MGAT5: variants seen among roughly 807,000 people sequenced by gnomAD.
MGAT5 encodes the protein alpha-1,6-mannosylglycoprotein 6-beta-N-acetylglucosaminyltransferase A.
In MGAT5, 30 loss-of-function variants were observed where a neutral mutation model predicts 94.3. The observed-to-expected ratio is 0.32, with a 90% CI of 0.24 to 0.43. The LOEUF is 0.43. Ranked by LOEUF, MGAT5 falls within the 20% of genes least tolerant of loss-of-function variation. The probability of loss-of-function intolerance (pLI) is 1.00; values close to 1 mark genes in which losing one functional copy is unlikely to be tolerated. For synonymous variants in MGAT5, 310 were observed against 322.9 expected, an observed-to-expected ratio of 0.96 and a Z score of 0.43; for missense variants, 691 against 905.5, an observed-to-expected ratio of 0.76 and a Z score of 3.04.
chr2:134,192,142 C>T (rs1025403097), intron 1 of MGAT5, among the ~76,000 whole-genome samples: 7 of 151,528 alleles, frequency 4.6e-5, no homozygotes, highest in Middle Eastern at 3.5e-3. Context: ...AGGGTGGGTT[C>T]GCGCCCTCCT....
chr2:134,130,204 C>CCCACCCCACA (rs1553482760), intron 1 of MGAT5, among the ~76,000 whole-genome samples: 80 of 60,394 alleles, frequency 1.3e-3, no homozygotes, highest in Non-Finnish European at 2.1e-3. Flanking sequence ...TGGAGCCCGC[C>CCCACCCCACA]CCGCCCCACA....
chr2:134,349,276 T>C (rs1253575136), intron 8 of MGAT5, among the ~76,000 whole-genome samples: 4 of 152,094 alleles, frequency 2.6e-5, no homozygotes, highest in Admixed American at 6.6e-5. Context: ...ATCAGATATA[T>C]AAAAAAATAC....
intron 1 of MGAT5, among the ~76,000 whole-genome samples, chr2:134,199,366 G>A (rs1396356241): frequency 6.6e-6 from 1 of 152,136 alleles, no homozygotes; most frequent in Non-Finnish European, 1.5e-5. Flanking sequence ...AGTCCTGGCA[G>A]AGGGTGCAAG....
intron 1 of MGAT5, among the ~76,000 whole-genome samples, chr2:134,125,208 A>G (rs1400600831): frequency 6.6e-6 from 1 of 152,192 alleles, no homozygotes; most frequent in Non-Finnish European, 1.5e-5. Context: ...TACTACAGGT[A>G]TTTCACTCAA....
chr2:134,427,995 GA>G (rs1011926005), intron 13 of MGAT5, among the ~76,000 whole-genome samples: 1 of 152,198 alleles, frequency 6.6e-6, no homozygotes, highest in Non-Finnish European at 1.5e-5. Context: ...CAACAGCATG[GA>G]CTCTGCCCTG....
intron 11 of MGAT5, among the ~76,000 whole-genome samples, chr2:134,404,628 T>G (rs188128900): frequency 8.5e-5 from 13 of 152,314 alleles, no homozygotes; most frequent in African/African-American, 2.4e-4. Context: ...AGAATGTATA[T>G]CTCCTCTTTG....
chr2:134,350,557 T>C (rs1156552677), intron 9 of MGAT5, among the ~76,000 whole-genome samples: 2 of 152,194 alleles, frequency 1.3e-5, no homozygotes, highest in Non-Finnish European at 2.9e-5. Flanking sequence ...GATGATGAAT[T>C]AACTGACCAC....
intron 2 of MGAT5, among the ~76,000 whole-genome samples, chr2:134,314,504 A>G (rs7563818): frequency 0.8 from 121,977 of 151,990 alleles, 49,257 homozygotes; most frequent in East Asian, 0.93. Flanking sequence ...GCAGGAAGAC[A>G]TAACCTTCCT....
upstream of MGAT5, among the ~76,000 whole-genome samples, chr2:134,249,590 TA>T (rs1226459732): frequency 6.6e-6 from 1 of 152,256 alleles, no homozygotes; most frequent in Non-Finnish European, 1.5e-5. Flanking sequence ...CATTCCTTTT[TA>T]TAGCCAGATA....
chr2:134,176,019 CTGTT>C (rs1233604385), intron 1 of MGAT5, among the ~76,000 whole-genome samples: 1 of 152,160 alleles, frequency 6.6e-6, no homozygotes, highest in Admixed American at 6.5e-5. Context: ...ATCCATTTAA[CTGTT>C]TGTTTTGGCC....
chr2:134,168,299 T>A (rs1688048051), intron 1 of MGAT5, among the ~76,000 whole-genome samples: 1 of 152,176 alleles, frequency 6.6e-6, no homozygotes, highest in African/African-American at 2.4e-5. Context: ...ATCACTTGGT[T>A]GCTGTCACAC....
chr2:134,414,161 T>G (rs199574089), intron 12 of MGAT5, among the ~76,000 whole-genome samples: 6 of 94,536 alleles, frequency 6.3e-5, no homozygotes, highest in African/African-American at 1.7e-4. Flanking sequence ...GTGTGTGTGG[T>G]TTTTTTTTTT....
chr2:134,306,971 G>C (rs1449294995), intron 2 of MGAT5, among the ~76,000 whole-genome samples: 3 of 152,144 alleles, frequency 2.0e-5, no homozygotes, highest in Non-Finnish European at 2.9e-5. Flanking sequence ...AGTTCCAGGA[G>C]CAGGCCTCTT....
chr2:134,142,632 T>G (rs1686711063), intron 1 of MGAT5, among the ~76,000 whole-genome samples: 3 of 152,262 alleles, frequency 2.0e-5, no homozygotes. Context: ...AGCCAAGGCC[T>G]TCTGCGTTTT....
rs953495219 is a variant in MGAT5, at chr2:134,293,103, T to A, written c.406+22553T>A. Among the ~76,000 whole-genome samples, 58 of 152,234 alleles carry A rather than the reference T, an allele frequency of 3.8e-4. 1 individual carries two copies. Among genetic ancestry groups the A allele is most frequent in the African/African-American group, 1.4e-3 (57 of 41,450 alleles). Reference sequence around the variant, plus strand: ...CCTTCACACATGAAAGGTAGCCTATTCTCATTTCATTACAATTCATTTTGG... The same window carrying A: ...CCTTCACACATGAAAGGTAGCCTATACTCATTTCATTACAATTCATTTTGG... On this transcript the variant is annotated intron_variant, in intron 2 of 15. Transcript: ENST00000281923.
chr2:134,202,510 G>C (rs182453132), intron 1 of MGAT5, among the ~76,000 whole-genome samples: 2 of 152,288 alleles, frequency 1.3e-5, no homozygotes, highest in East Asian at 3.9e-4. Flanking sequence ...CACAAATTGC[G>C]CAGTCTAAAG....
At chr2:134,428,576 A>C in intron 14 of MGAT5, 137 bp downstream of exon 14, 1 of 707,502 alleles carries the variant, frequency 1.4e-6, no homozygotes, top group Non-Finnish European at 2.4e-6. Flanking sequence ...AAGCTGGATA[A>C]TAGTAGCACT....
At chr2:134,266,409 C>T (rs1394848767) in intron 1 of MGAT5, among the ~76,000 whole-genome samples, 4 of 152,004 alleles carry the variant, frequency 2.6e-5, no homozygotes, top group Admixed American at 6.5e-5. Flanking sequence ...TTTGGAGAGA[C>T]GGAGTTTCAC....
intron 1 of MGAT5, among the ~76,000 whole-genome samples, chr2:134,159,476 A>G (rs1006723501): frequency 6.6e-6 from 1 of 152,218 alleles, no homozygotes; most frequent in African/African-American, 2.4e-5. Context: ...ACAAGTGAAC[A>G]GCAAACATCT....
Sources: gnomAD v4.1 joint callset for allele counts (sites outside exome capture counted in the v4.1 genomes callset) on GRCh38, gnomAD v4.1.1 for gene constraint, MANE v1.5 for transcripts, NCBI Gene and HGNC (gene_info 2026-07-23, HGNC 2026-07-21) for gene names.